The following DNER variants were observed in gnomAD, a reference collection of about 807,000 sequenced individuals.
DNER encodes the protein delta and Notch-like epidermal growth factor-related receptor.
In DNER, 33 loss-of-function variants were observed where a neutral mutation model predicts 78.2. The observed-to-expected ratio is 0.42, with a 90% CI of 0.32 to 0.56. DNER has a LOEUF of 0.56. DNER is among the 20% of genes least tolerant of loss of function. The pLI, the probability that DNER is intolerant of heterozygous loss-of-function variation, is 0.11. For missense variants in DNER, 918 were observed against 975.3 expected (o/e 0.94, Z 0.78); for synonymous variants, 417 against 384.8 (o/e 1.08, Z -0.98).
intron 1 of DNER, among the ~76,000 whole-genome samples, chr2:229,627,530 G>T (rs947791685): frequency 5.3e-5 from 8 of 152,136 alleles, no homozygotes; most frequent in African/African-American, 1.9e-4. Context: ...AACTAAACAG[G>T]TATTTACCAC....
intron 7 of DNER, among the ~76,000 whole-genome samples, chr2:229,468,714 G>A (rs553887421): frequency 2.6e-5 from 4 of 152,160 alleles, no homozygotes; most frequent in Middle Eastern, 3.2e-3. Flanking sequence ...ACTCTTTCTC[G>A]ATTGCAATTC....
chr2:229,537,786 T>C (rs1448953127), intron 5 of DNER, among the ~76,000 whole-genome samples: 1 of 152,114 alleles, frequency 6.6e-6, no homozygotes, highest in African/African-American at 2.4e-5. Context: ...CTTTAAGTTT[T>C]AGGGTACATG....
At chr2:229,410,933 A>G (rs989166321) in intron 9 of DNER, among the ~76,000 whole-genome samples, 5 of 152,214 alleles carry the variant, frequency 3.3e-5, no homozygotes, top group Admixed American at 6.5e-5. Context: ...TACTTCCTCT[A>G]TGAAAACTTT....
intron 4 of DNER, among the ~76,000 whole-genome samples, chr2:229,573,490 A>T (rs1334918792): frequency 2.0e-5 from 3 of 152,216 alleles, no homozygotes; most frequent in African/African-American, 7.2e-5. Context: ...CCATGATTTC[A>T]TGTCAAAAGT....
chr2:229,564,147 A>G (rs1191123462), intron 4 of DNER, among the ~76,000 whole-genome samples: 6 of 148,040 alleles, frequency 4.1e-5, no homozygotes, highest in Non-Finnish European at 7.4e-5. Flanking sequence ...CCCCATCACC[A>G]TCATCATCAA....
chr2:229,395,909 T>A (rs1693129504), intron 10 of DNER, among the ~76,000 whole-genome samples: 1 of 151,964 alleles, frequency 6.6e-6, no homozygotes, highest in South Asian at 2.1e-4. Flanking sequence ...AAAAAAAAGC[T>A]TCCACCCTAA....
chr2:229,495,797 G>T (rs1695489788), intron 6 of DNER, among the ~76,000 whole-genome samples: 1 of 152,190 alleles, frequency 6.6e-6, no homozygotes, highest in Non-Finnish European at 1.5e-5. Context: ...CTTTGATTCT[G>T]TTCCTCATAT....
At chr2:229,559,043 A>G (rs763147741) in intron 4 of DNER, among the ~76,000 whole-genome samples, 64 of 152,318 alleles carry the variant, frequency 4.2e-4, no homozygotes, top group Non-Finnish European at 5.7e-4. Context: ...TATAGATTGG[A>G]TGTGAGGTAT....
chr2:229,697,632 C>A (rs921346258), intron 1 of DNER, among the ~76,000 whole-genome samples: 5 of 152,162 alleles, frequency 3.3e-5, no homozygotes, highest in African/African-American at 1.2e-4. Context: ...TCAATATGAA[C>A]AAACTTCATT....
chr2:229,642,657 A>G (rs557891509), intron 1 of DNER, among the ~76,000 whole-genome samples: 6 of 152,314 alleles, frequency 3.9e-5, no homozygotes, highest in Admixed American at 2.6e-4. Flanking sequence ...CCTTCCTGTA[A>G]GGAGATTGTG....
Position 229,512,873 on chromosome 2 carries a change from A to G in DNER, c.1057T>C (p.Cys353Arg). The change falls in exon 6 of 13, where the codon TGC becomes CGC. Residue 353 changes from cysteine (C) to arginine (R), a missense_variant. Physicochemically the swap from Cys to Arg is radical, Grantham distance 180. Coordinates refer to ENST00000341772, the MANE Select transcript of DNER (RefSeq NM_139072.4). ...VGTFCEEYDA[C>R]QRKPCQNNAS... Reference sequence around the variant, plus strand: ...TTGTTTTGGCAAGGTTTCCTCTGGCAAGCATCGTATTCTTCACAGAAAGTA... The same window carrying G: ...TTGTTTTGGCAAGGTTTCCTCTGGCGAGCATCGTATTCTTCACAGAAAGTA... The G allele has an allele frequency of 6.2e-7, 1 of 1,614,116 alleles. No homozygotes were observed. The highest frequency in any genetic ancestry group is 8.5e-7 in the Non-Finnish European group (1 of 1,180,002).
intron 11 of DNER, among the ~76,000 whole-genome samples, chr2:229,387,509 G>GAAAGAAAGAGAGAAAGAAAGAAAGAA (rs1553602522): frequency 3.9e-5 from 3 of 76,128 alleles, no homozygotes; most frequent in Non-Finnish European, 8.2e-5. Flanking sequence ...GAAAGAAAGA[G>GAAAGAAAGAGAGAAAGAAAGAAAGAA]AGAAAGAAAG....
intron 11 of DNER, among the ~76,000 whole-genome samples, chr2:229,369,942 C>T (rs1236368165): frequency 6.6e-6 from 1 of 152,184 alleles, no homozygotes; most frequent in Admixed American, 6.5e-5. Context: ...CACACCAGGA[C>T]ATCATTTTCA....
In DNER at chr2:229,549,253, A is replaced by T. The variant is rs373755977; in HGVS notation, c.848-2161T>A. On this transcript the variant is annotated intron_variant, in intron 4 of 12. Transcript: ENST00000341772. The stretch of plus-strand genomic sequence containing the variant: ...TATGTATTAATAATACATAGAGCAA[A>T]TACCACAAAACACTTATTCGATCTT... 3.3e-4 allele frequency among the ~76,000 whole-genome samples: 51 copies of T among 152,328 alleles called. No individual in the cohort carries two copies. In the East Asian group the frequency reaches 6.8e-3, roughly 20 times the overall value.
At chr2:229,441,620 A>T (rs2106359719) in intron 8 of DNER, among the ~76,000 whole-genome samples, 1 of 152,320 alleles carries the variant, frequency 6.6e-6, no homozygotes, top group South Asian at 2.1e-4. Flanking sequence ...GTAAAGAGGA[A>T]GCTGTCACTC....
chr2:229,424,026 C>T (rs974442181), intron 8 of DNER, among the ~76,000 whole-genome samples: 1 of 152,172 alleles, frequency 6.6e-6, no homozygotes, highest in Non-Finnish European at 1.5e-5. Context: ...GTATCTGTGT[C>T]GGAAAAGGCT....
intron 4 of DNER, among the ~76,000 whole-genome samples, chr2:229,571,080 G>A (rs934313312): frequency 7.2e-5 from 11 of 152,142 alleles, no homozygotes; most frequent in Non-Finnish European, 1.2e-4. Flanking sequence ...GGCAGCTTCT[G>A]CAATAACCTA....
chr2:229,425,505 A>C (rs961214284), intron 8 of DNER, among the ~76,000 whole-genome samples: 2 of 152,118 alleles, frequency 1.3e-5, no homozygotes, highest in African/African-American at 4.8e-5. Context: ...TTGCTGCATA[A>C]AGGTCTTAAG....
intron 6 of DNER, among the ~76,000 whole-genome samples, chr2:229,492,000 C>T (rs1415865207): frequency 1.3e-5 from 2 of 151,822 alleles, no homozygotes; most frequent in Non-Finnish European, 2.9e-5. Flanking sequence ...CACAAACACA[C>T]TACATATATG....
Sources: allele counts gnomAD v4.1 joint callset (sites outside exome capture counted in the v4.1 genomes callset), GRCh38; gene constraint gnomAD v4.1.1; transcripts MANE v1.5; gene names NCBI Gene and HGNC (gene_info 2026-07-23, HGNC 2026-07-21).